The following GRM7 variants were observed in gnomAD, a reference collection of about 807,000 sequenced individuals.
GRM7 encodes glutamate metabotropic receptor 7.
GRM7 carries 35 observed loss-of-function variants against 84.5 expected under a neutral mutation model. The observed-to-expected ratio is 0.41, with a 90% CI of 0.32 to 0.55. GRM7 has a LOEUF of 0.55. GRM7 is among the 20% of genes least tolerant of loss of function. GRM7 has a pLI of 0.19. For synonymous variants in GRM7, 487 were observed against 455.1 expected (o/e 1.07, Z -0.89); for missense variants, 1,003 against 1,194.6 (o/e 0.84, Z 2.36).
At chr3:6,881,802 C>G (rs963922) in intron 1 of GRM7, among the ~76,000 whole-genome samples, 93,411 of 151,932 alleles carry the variant, frequency 0.61, 29,096 homozygotes, top group South Asian at 0.65. Context: ...GATGCATAGA[C>G]ATGGGGAATA....
intron 8 of GRM7, among the ~76,000 whole-genome samples, chr3:7,601,514 T>C (rs1696311594): frequency 1.3e-5 from 2 of 152,090 alleles, no homozygotes; most frequent in East Asian, 1.9e-4. Flanking sequence ...CAATCAGAGA[T>C]CTGGTTACTC....
In GRM7 at chr3:7,163,083, C is replaced by A. The variant is rs188416080; in HGVS notation, c.736+16415C>A. Among the ~76,000 whole-genome samples, 93 of 152,000 alleles carry A rather than the reference C, an allele frequency of 6.1e-4. 1 individual carries two copies. Among genetic ancestry groups the A allele is most frequent in the African/African-American group, 2.2e-3 (93 of 41,500 alleles). ...CCTACTCTTCTAGTTTTTTCTACTC[C>A]TTTCGTGCCTATTCTGCATCTTCCT... On this transcript the variant is annotated intron_variant, in intron 2 of 9. Coordinates refer to ENST00000357716, the MANE Select transcript of GRM7 (RefSeq NM_000844.4).
intron 8 of GRM7, among the ~76,000 whole-genome samples, chr3:7,647,085 C>A (rs2125110459): frequency 6.6e-6 from 1 of 152,244 alleles, no homozygotes; most frequent in African/African-American, 2.4e-5. Context: ...ATGAAATTTG[C>A]TAAATAGATA....
At chr3:6,949,001 C>G (rs1175611906) in intron 1 of GRM7, among the ~76,000 whole-genome samples, 8 of 152,140 alleles carry the variant, frequency 5.3e-5, no homozygotes, top group Non-Finnish European at 1.0e-4. Flanking sequence ...GGTCTTGACT[C>G]TTTATCCAAT....
chr3:7,260,247 CTGT>C (rs1206246749), intron 2 of GRM7, among the ~76,000 whole-genome samples: 2 of 151,890 alleles, frequency 1.3e-5, no homozygotes, highest in African/African-American at 4.8e-5. Context: ...TCTGTTTACT[CTGT>C]TGATAGTTTA....
chr3:7,647,176 GC>G (rs1380887787), intron 8 of GRM7, among the ~76,000 whole-genome samples: 1 of 152,208 alleles, frequency 6.6e-6, no homozygotes, highest in East Asian at 1.9e-4. Context: ...GTAAAAATTA[GC>G]CTGGAAAACC....
chr3:7,151,700 A>G lies in GRM7; in HGVS notation c.736+5032A>G, dbSNP rs1694292794. On this transcript the variant is annotated intron_variant, in intron 2 of 9. Transcript: ENST00000357716. The surrounding 1 kb of genome is among the most constrained non-coding windows in gnomAD (Gnocchi z 4.5). The stretch of plus-strand genomic sequence containing the variant: ...GTGTTTTTCCCCTTTGCCCTTTAGG[A>G]AAAAAGGAAGCATGTAGAGAAACAC... Among the ~76,000 whole-genome samples the G allele has an allele frequency of 6.6e-6, 1 of 152,122 alleles. No homozygotes were observed. Among genetic ancestry groups the G allele is most frequent in the Non-Finnish European group, 1.5e-5 (1 of 68,020 alleles).
Position 7,612,785 on chromosome 3 carries a change from C to T in GRM7, c.2451+33428C>T, listed in dbSNP as rs374424956. Among the ~76,000 whole-genome samples the T allele has an allele frequency of 3.3e-5, 5 of 152,228 alleles. No homozygotes were observed. In the South Asian group the frequency reaches 8.3e-4, roughly 25 times the overall value. ...TTTAGAGGAGAAAAAGTGATTTGGGCACCAAGGAAAGAATTCTTGGAAACA... is the reference window on the plus strand; with the variant it reads ...TTTAGAGGAGAAAAAGTGATTTGGGTACCAAGGAAAGAATTCTTGGAAACA... On this transcript the variant is annotated intron_variant, in intron 8 of 9. Coordinates refer to ENST00000357716, the MANE Select transcript of GRM7 (RefSeq NM_000844.4).
chr3:7,069,953 G>A (rs1194225555), intron 1 of GRM7, among the ~76,000 whole-genome samples: 2 of 152,006 alleles, frequency 1.3e-5, no homozygotes, highest in Admixed American at 1.3e-4. Context: ...TAAATACTGA[G>A]GGTGAATCCA....
At chr3:7,489,427 T>A (rs1196142942) in intron 7 of GRM7, among the ~76,000 whole-genome samples, 1 of 152,164 alleles carries the variant, frequency 6.6e-6, no homozygotes, top group Non-Finnish European at 1.5e-5. Flanking sequence ...CTAATTTAAA[T>A]CTCACACAAG....
intron 4 of GRM7, among the ~76,000 whole-genome samples, chr3:7,395,047 A>G (rs1695154622): frequency 6.6e-6 from 1 of 152,036 alleles, no homozygotes; most frequent in East Asian, 1.9e-4. Context: ...TCAAAAAAAA[A>G]AAAAAAAAAG....
In GRM7 at chr3:7,504,983, C is replaced by T. The variant is rs188635708; in HGVS notation, c.1515+43261C>T. Reference sequence around the variant, plus strand: ...TGATTCATCCCATGGCAAATTTCCTCCAGCTGTGAACTTGTGAAATCAAAA... The same window carrying T: ...TGATTCATCCCATGGCAAATTTCCTTCAGCTGTGAACTTGTGAAATCAAAA... On this transcript the variant is annotated intron_variant, in intron 7 of 9. Coordinates refer to ENST00000357716, the MANE Select transcript of GRM7 (RefSeq NM_000844.4). Among the ~76,000 whole-genome samples, 565 of 152,256 alleles carry T rather than the reference C, an allele frequency of 3.7e-3. 1 individual carries two copies. The highest frequency in any genetic ancestry group is 0.013 in the African/African-American group (542 of 41,564).
intron 8 of GRM7, among the ~76,000 whole-genome samples, chr3:7,643,615 T>C (rs1698468892): frequency 6.6e-6 from 1 of 152,146 alleles, no homozygotes; most frequent in Non-Finnish European, 1.5e-5. Flanking sequence ...AATCCTTGCT[T>C]TTTGTTTCTT....
intron 5 of GRM7, among the ~76,000 whole-genome samples, chr3:7,437,852 T>G (rs1265013234): frequency 6.6e-6 from 1 of 152,098 alleles, no homozygotes; most frequent in Admixed American, 6.5e-5. Context: ...ACTTTGAGAA[T>G]TAGTAGAAGT....
intron 1 of GRM7, among the ~76,000 whole-genome samples, chr3:7,131,106 C>G (rs1341489409): frequency 1.3e-5 from 2 of 152,024 alleles, no homozygotes; most frequent in Non-Finnish European, 2.9e-5. Context: ...CATCCAGGAG[C>G]TAGGAAGGAC....
At chr3:7,455,164 T>C (rs1697952651) in intron 6 of GRM7, among the ~76,000 whole-genome samples, 1 of 152,156 alleles carries the variant, frequency 6.6e-6, no homozygotes, top group Non-Finnish European at 1.5e-5. Flanking sequence ...CATGAGTCCA[T>C]ACTGATATCA....
intron 7 of GRM7, among the ~76,000 whole-genome samples, chr3:7,492,011 T>G (rs1010503263): frequency 6.7e-6 from 1 of 150,268 alleles, no homozygotes; most frequent in South Asian, 2.1e-4. Context: ...GTAGACTGCA[T>G]TGATTTATTT....
intron 2 of GRM7, among the ~76,000 whole-genome samples, chr3:7,153,962 A>G (rs1035987249): frequency 2.6e-5 from 4 of 152,216 alleles, no homozygotes; most frequent in African/African-American, 7.2e-5. Context: ...TGTTAACCAG[A>G]CAAAGCTGAC....
chr3:7,186,692 T>C (rs1695527219), intron 2 of GRM7, among the ~76,000 whole-genome samples: 1 of 152,216 alleles, frequency 6.6e-6, no homozygotes, highest in African/African-American at 2.4e-5. Context: ...ACACATTTAA[T>C]GTGTCATTGT....
Sources: allele counts gnomAD v4.1 joint callset (sites outside exome capture counted in the v4.1 genomes callset), GRCh38; gene constraint gnomAD v4.1.1; non-coding constraint Gnocchi (gnomAD v3.1); transcripts MANE v1.5; gene names NCBI Gene and HGNC (gene_info 2026-07-23, HGNC 2026-07-21).